The following RBPJ variants were observed in gnomAD, a reference collection of about 807,000 sequenced individuals.
The protein encoded by RBPJ is recombining binding protein suppressor of hairless.
A neutral mutation model predicts 67.8 loss-of-function variants in RBPJ; 9 were observed. That is an observed-to-expected ratio of 0.13 (90% confidence interval 0.08 to 0.23). The LOEUF (loss-of-function observed/expected upper bound fraction) is 0.23, where lower values mean the gene tolerates loss of function less well. RBPJ is among the 10% of genes least tolerant of loss of function. RBPJ has a pLI of 1.00. For synonymous variants in RBPJ, 198 were observed against 203.3 expected (o/e 0.97, Z 0.22); for missense variants, 305 against 595.6 (o/e 0.51, Z 5.08).
intron 1 of RBPJ, among the ~76,000 whole-genome samples, chr4:26,175,818 CTGTT>C (rs1468377574): frequency 6.9e-4 from 105 of 152,322 alleles, no homozygotes; most frequent in African/African-American, 2.5e-3. Flanking sequence ...TACTCTCTTA[CTGTT>C]ATTGGGTAAA....
chr4:26,179,688 A>T (rs941816684), intron 1 of RBPJ, among the ~76,000 whole-genome samples: 4 of 152,192 alleles, frequency 2.6e-5, no homozygotes, highest in Middle Eastern at 3.2e-3. Context: ...AACGTTGTGG[A>T]GGAAAGGGAA....
At chr4:26,369,970 C>T (rs1728997807) in intron 1 of RBPJ, among the ~76,000 whole-genome samples, 2 of 152,098 alleles carry the variant, frequency 1.3e-5, no homozygotes, top group African/African-American at 4.8e-5. Flanking sequence ...AGTATGTGAA[C>T]ATTGCTTTTG....
chr4:26,128,316 G>A, the RBPJ span, among the ~76,000 whole-genome samples: 4 of 152,296 alleles, frequency 2.6e-5, no homozygotes, highest in East Asian at 5.8e-4. Context: ...GACTTTTAAA[G>A]CACACACAAA....
At chr4:26,428,069 A>G (rs796702259) in intron 7 of RBPJ, among the ~76,000 whole-genome samples, 17 of 152,354 alleles carry the variant, frequency 1.1e-4, no homozygotes, top group African/African-American at 3.6e-4. Flanking sequence ...TCCTTCAGCT[A>G]CTAAACTGGT....
At chr4:26,260,632 A>G (rs1720495197) in intron 1 of RBPJ, among the ~76,000 whole-genome samples, 1 of 152,244 alleles carries the variant, frequency 6.6e-6, no homozygotes, top group Non-Finnish European at 1.5e-5. Context: ...GCAATGACTT[A>G]TAAGGGAATG....
chr4:26,130,015 C>T, the RBPJ span, among the ~76,000 whole-genome samples: 1 of 152,100 alleles, frequency 6.6e-6, no homozygotes, highest in South Asian at 2.1e-4. Flanking sequence ...GCGTGCACCA[C>T]CACGCCCAGC....
At chr4:26,370,512 T>C (rs1298048977) in intron 1 of RBPJ, among the ~76,000 whole-genome samples, 4 of 152,186 alleles carry the variant, frequency 2.6e-5, no homozygotes, top group Non-Finnish European at 5.9e-5. Flanking sequence ...AGTTTTAGAC[T>C]CAACAAAACT....
chr4:26,354,283 C>T (rs867547489), intron 1 of RBPJ, among the ~76,000 whole-genome samples: 3 of 152,048 alleles, frequency 2.0e-5, no homozygotes, highest in Non-Finnish European at 4.4e-5. Context: ...CTGTTTTCAG[C>T]AAGCTTAATG....
intron 1 of RBPJ, among the ~76,000 whole-genome samples, chr4:26,206,829 G>C (rs954368995): frequency 6.7e-6 from 1 of 150,312 alleles, no homozygotes; most frequent in African/African-American, 2.4e-5. Flanking sequence ...ATACAGCCAA[G>C]AAAACACTTT....
chr4:26,218,357 C>A (rs971148706), intron 1 of RBPJ, among the ~76,000 whole-genome samples: 1 of 152,178 alleles, frequency 6.6e-6, no homozygotes, highest in African/African-American at 2.4e-5. Context: ...AGAACCGTGG[C>A]CGCCTGAGGA....
chr4:26,296,524 T>C (rs1721880912), intron 1 of RBPJ, among the ~76,000 whole-genome samples: 1 of 152,234 alleles, frequency 6.6e-6, no homozygotes, highest in Non-Finnish European at 1.5e-5. Context: ...TATTCGCCGC[T>C]CTATTTCATA....
rs1286504024 is a variant in RBPJ at position 26,287,615 on chromosome 4, GGAGGGGAGGGGAGGGGAGGGGAGGA to G, written c.-166-74829_-166-74805del. Among the ~76,000 whole-genome samples, 29 of 38,508 alleles carry G rather than the reference GGAGGGGAGGGGAGGGGAGGGGAGGA, an allele frequency of 7.5e-4. 1 individual carries two copies. Among genetic ancestry groups the G allele is most frequent in the African/African-American group, 3.7e-3 (28 of 7,486 alleles). The allele number at this position is 38,508 out of a possible 152,430, so 25.3% of individuals were successfully genotyped here. On this transcript the variant is annotated intron_variant, in intron 1 of 4. Transcript: ENST00000512351. ...AGAGGGGAGGGGAGGGGAGGGGAGGGGAGGGGAGGGGAGGGGAGGGGAGGAGCAGAGAAGAGAAGAAAAGAGAAGA... is the reference window on the plus strand; with the variant it reads ...AGAGGGGAGGGGAGGGGAGGGGAGGGGCAGAGAAGAGAAGAAAAGAGAAGA...
chr4:26,194,861 T>G (rs1234787802), intron 1 of RBPJ, among the ~76,000 whole-genome samples: 2 of 152,196 alleles, frequency 1.3e-5, no homozygotes, highest in African/African-American at 2.4e-5. Flanking sequence ...TTGCACACCC[T>G]CCTAACCATA....
chr4:26,390,990 A>G (rs544826514), intron 2 of RBPJ, among the ~76,000 whole-genome samples: 84 of 152,256 alleles, frequency 5.5e-4, no homozygotes, highest in African/African-American at 2.0e-3. Flanking sequence ...CCAGGAGGTT[A>G]AGGCTGCTGT....
At chr4:26,394,470 CAAA>C (rs746553983) in intron 2 of RBPJ, among the ~76,000 whole-genome samples, 1 of 107,060 alleles carries the variant, frequency 9.3e-6, no homozygotes. Context: ...ACTGTCAGTT[CAAA>C]AAAAAAAAAA....
chr4:26,424,723 G>A lies in RBPJ; in HGVS notation c.727G>A (p.Gly243Ser), dbSNP rs1227022199. ...AGTCAAACTTGTGTGCTCAGTTACT[G>A]GCATGGCACTCCCAAGATTGGTATG... ...QTVKLVCSVT[G>S]MALPRLIIRK... The change falls in exon 7 of 11, where the codon GGC (glycine) becomes AGC (serine). Residue 243 changes from glycine (G) to serine (S), a missense_variant. Coordinates refer to ENST00000355476, the MANE Select transcript of RBPJ (RefSeq NM_015874.6). This position sits in a 1 kb window ranked among gnomAD's most constrained non-coding sequence, Gnocchi z 5.3. 6.2e-7 allele frequency: 1 copy of A among 1,608,450 alleles called. No homozygotes were observed. The highest frequency in any genetic ancestry group is 8.5e-7 in the Non-Finnish European group (1 of 1,175,764).
upstream of RBPJ, among the ~76,000 whole-genome samples, chr4:26,318,996 CAAAAAAAAAAA>C (rs201084739): frequency 3.6e-5 from 3 of 83,866 alleles, no homozygotes; most frequent in Non-Finnish European, 5.3e-5. Context: ...GACTCCGTCT[CAAAAAAAAAAA>C]AAAAAAAAAA....
At chr4:26,224,008 A>C (rs1002833827) in intron 1 of RBPJ, among the ~76,000 whole-genome samples, 1 of 152,256 alleles carries the variant, frequency 6.6e-6, no homozygotes, top group African/African-American at 2.4e-5. Context: ...GTGAGAACAC[A>C]AGATTAATAG....
intron 1 of RBPJ, among the ~76,000 whole-genome samples, chr4:26,344,434 A>G (rs1247911082): frequency 6.7e-6 from 1 of 150,254 alleles, no homozygotes; most frequent in Non-Finnish European, 1.5e-5. Flanking sequence ...ACGGGGTTTC[A>G]CCATGTTGGC....
Sources: allele counts gnomAD v4.1 joint callset (sites outside exome capture counted in the v4.1 genomes callset), GRCh38; gene constraint gnomAD v4.1.1; non-coding constraint Gnocchi (gnomAD v3.1); transcripts MANE v1.5; gene names NCBI Gene and HGNC (gene_info 2026-07-23, HGNC 2026-07-21).